Variants in ANKRD30A observed in about 807,000 individuals in gnomAD.
ANKRD30A encodes the protein ankyrin repeat domain 30A.
ANKRD30A carries 170 observed loss-of-function variants against 166.3 expected under a neutral mutation model. That is an observed-to-expected ratio of 1.02 (90% CI 0.90 to 1.16). ANKRD30A has a LOEUF of 1.16. Among genes scored for constraint, ANKRD30A ranks in the 50% most tolerant of loss-of-function variants. The probability of loss-of-function intolerance (pLI) is 0.00; values close to 1 mark genes in which losing one functional copy is unlikely to be tolerated. For synonymous variants in ANKRD30A, 564 were observed against 508.9 expected (o/e 1.11, Z -1.46); for missense variants, 1,630 against 1,518.0 (o/e 1.07, Z -1.23).
intron 24 of ANKRD30A, among the ~76,000 whole-genome samples, chr10:37,177,384 T>C (rs1486190295): frequency 2.0e-5 from 3 of 151,666 alleles, no homozygotes; most frequent in Non-Finnish European, 4.4e-5. Flanking sequence ...GAGATACTTT[T>C]TGAAATATGC....
chr10:37,157,647 A>G (rs566563407), intron 13 of ANKRD30A, among the ~76,000 whole-genome samples: 1 of 152,204 alleles, frequency 6.6e-6, no homozygotes, highest in African/African-American at 2.4e-5. Context: ...TGCTGGAATT[A>G]CAGGCATGAG....
At chr10:37,153,684 A>G (rs1169834772) in intron 13 of ANKRD30A, 22 bp downstream of exon 13, 1 of 1,609,616 alleles carries the variant, frequency 6.2e-7, no homozygotes, top group East Asian at 2.2e-5. Flanking sequence ...TTTTTATTTA[A>G]AAATCAGTTG....
intron 34 of ANKRD30A, among the ~76,000 whole-genome samples, chr10:37,227,296 G>A (rs1418228664): frequency 6.6e-6 from 1 of 151,834 alleles, no homozygotes; most frequent in Non-Finnish European, 1.5e-5. Flanking sequence ...TTTATTTTGA[G>A]ATAATTTTTA....
At chr10:37,225,135 A>G (rs1843086766) in intron 34 of ANKRD30A, among the ~76,000 whole-genome samples, 1 of 151,056 alleles carries the variant, frequency 6.6e-6, no homozygotes, top group South Asian at 2.1e-4. Context: ...TAAAATAAAT[A>G]TTAATAGTTT....
At chr10:37,162,897 C>A in intron 17 of ANKRD30A, 49 bp downstream of exon 17, 1 of 1,587,104 alleles carries the variant, frequency 6.3e-7, no homozygotes, top group Non-Finnish European at 8.6e-7. Flanking sequence ...CAATATTGGA[C>A]ATTTTGATGG....
intron 11 of ANKRD30A, among the ~76,000 whole-genome samples, chr10:37,150,606 G>A (rs574368981): frequency 2.6e-5 from 4 of 151,912 alleles, no homozygotes; most frequent in African/African-American, 4.8e-5. Flanking sequence ...ATGGTTGTAC[G>A]GTGTAATGTT....
intron 13 of ANKRD30A, among the ~76,000 whole-genome samples, chr10:37,155,208 A>C (rs1053732703): frequency 6.6e-6 from 1 of 152,204 alleles, no homozygotes; most frequent in African/African-American, 2.4e-5. Context: ...AACTAAATTT[A>C]AATGAAATAC....
At position 37,231,679 on chromosome 10, in the gene ANKRD30A, C is replaced by A. The variant is rs561686212; in HGVS notation, c.*210C>A. 2 of 364,374 alleles carry A rather than the reference C, an allele frequency of 5.5e-6. No individual in the cohort carries two copies. Among genetic ancestry groups the A allele is most frequent in the Non-Finnish European group, 1.0e-5 (2 of 198,326 alleles). 22.6% of individuals were successfully genotyped at this position (364,374 alleles called of 1,614,324 possible). On this transcript the variant is annotated splice_region_variant and 3_prime_UTR_variant, in exon 35 of 36. Transcript: ENST00000361713. ...AACAGTGTGAAGAATTACTTGTTCACGGTTAGTTATATTATCTGTCTTCCT... is the reference window on the plus strand; with the variant it reads ...AACAGTGTGAAGAATTACTTGTTCAAGGTTAGTTATATTATCTGTCTTCCT...
intron 3 of ANKRD30A, among the ~76,000 whole-genome samples, chr10:37,131,685 T>G (rs1320204707): frequency 6.6e-6 from 1 of 152,172 alleles, no homozygotes; most frequent in Admixed American, 6.5e-5. Context: ...TTCTAATTTG[T>G]CAAATGTTAA....
intron 34 of ANKRD30A, 58 bp downstream of exon 34, chr10:37,219,955 T>C: frequency 7.8e-7 from 1 of 1,287,820 alleles, no homozygotes; most frequent in Non-Finnish European, 1.0e-6. Context: ...TTTAAAGTCA[T>C]ATTTGGCCTT....
At chr10:37,216,716 A>G (rs892260232) in intron 32 of ANKRD30A, among the ~76,000 whole-genome samples, 1 of 151,300 alleles carries the variant, frequency 6.6e-6, no homozygotes, top group Non-Finnish European at 1.5e-5. Flanking sequence ...AACTGCATGT[A>G]AAACTTTTTC....
At chr10:37,196,588 G>T (rs754032805) in intron 27 of ANKRD30A, among the ~76,000 whole-genome samples, 1 of 152,028 alleles carries the variant, frequency 6.6e-6, no homozygotes, top group Non-Finnish European at 1.5e-5. Flanking sequence ...AATTAAAAAA[G>T]TTATTTATGT....
At chr10:37,162,032 T>C (rs915125663) in intron 15 of ANKRD30A, among the ~76,000 whole-genome samples, 2 of 151,882 alleles carry the variant, frequency 1.3e-5, no homozygotes, top group African/African-American at 4.9e-5. Flanking sequence ...TTATAGATTA[T>C]TTCCATGATG....
chr10:37,200,730 G>A (rs1841557077), intron 30 of ANKRD30A, among the ~76,000 whole-genome samples: 1 of 151,970 alleles, frequency 6.6e-6, no homozygotes. Context: ...TCAAAATAAA[G>A]CAGCTTTTTC....
chr10:37,149,574 C>A (rs1180291923), intron 9 of ANKRD30A, 77 bp from the exon 10 acceptor site: 6 of 1,502,378 alleles, frequency 4.0e-6, no homozygotes, highest in Non-Finnish European at 5.5e-6. Flanking sequence ...GAATCAGTTA[C>A]ATACTATGAC....
At position 37,201,320 on chromosome 10, in the gene ANKRD30A, T is replaced by C; in HGVS notation, c.2864T>C (p.Leu955Ser). The change falls in exon 31 of 36, where the codon TTA becomes TCA. Residue 955 changes from leucine to serine, a missense_variant. Physicochemically the swap from Leu to Ser is moderately radical, Grantham distance 145. Coordinates refer to ENST00000361713, the MANE Select transcript of ANKRD30A (RefSeq NM_052997.3). The part of the protein sequence containing the change: ...QKEMDKISGK[L>S]EDSTSLSKIL... ...GAAATGGATAAAATAAGTGGAAAAT[T>C]AGAAGGTAAGAACCATCTTTTATTT... 6.3e-7 allele frequency: 1 copy of C among 1,581,002 alleles called. No homozygotes were observed.
At chr10:37,155,920 A>C (rs1201612222) in intron 13 of ANKRD30A, among the ~76,000 whole-genome samples, 1 of 152,020 alleles carries the variant, frequency 6.6e-6, no homozygotes, top group Non-Finnish European at 1.5e-5. Flanking sequence ...TCTCTACTAA[A>C]AATACAAAAA....
At chr10:37,197,375 T>A (rs774778185) in intron 28 of ANKRD30A, 33 bp from the exon 29 acceptor site, 19 of 1,612,778 alleles carry the variant, frequency 1.2e-5, no homozygotes, top group Non-Finnish European at 1.6e-5. Flanking sequence ...GTATACATTC[T>A]TTATTAATCA....
chr10:37,153,854 G>T (rs549616245), intron 13 of ANKRD30A, among the ~76,000 whole-genome samples, 192 bp downstream of exon 13: 1 of 152,224 alleles, frequency 6.6e-6, no homozygotes, highest in South Asian at 2.1e-4. Flanking sequence ...TGCTGAAAAG[G>T]AGCTGAATTA....
Sources: allele counts gnomAD v4.1 joint callset (sites outside exome capture counted in the v4.1 genomes callset), GRCh38; gene constraint gnomAD v4.1.1; transcripts MANE v1.5; gene names NCBI Gene and HGNC (gene_info 2026-07-23, HGNC 2026-07-21).